KLHL4: variants seen among roughly 807,000 people sequenced by gnomAD.
KLHL4 encodes the protein kelch like family member 4.
KLHL4 carries 17 observed loss-of-function variants against 45.8 expected under a neutral mutation model. The ratio of observed to expected loss-of-function variants is 0.37; its 90% CI spans 0.25 to 0.56. The LOEUF (loss-of-function observed/expected upper bound fraction) is 0.56. Ranked by LOEUF, KLHL4 falls within the 20% of genes least tolerant of loss-of-function variation. The pLI is 0.79. For synonymous variants in KLHL4, 224 were observed against 189.9 expected (o/e 1.18, Z -1.47); for missense variants, 544 against 544.9 (o/e 1.00, Z 0.02).
intron 4 of KLHL4, among the ~76,000 whole-genome samples, chrX:87,620,662 T>C (rs896041407): frequency 8.9e-6 from 1 of 112,325 alleles, no homozygotes; most frequent in African/African-American, 3.2e-5. Flanking sequence ...TTCACAAAAA[T>C]CATATCACTT....
chrX:87,581,097 G>C (rs771545260), intron 1 of KLHL4, among the ~76,000 whole-genome samples: 14 of 112,430 alleles, frequency 1.2e-4, no homozygotes, highest in African/African-American at 4.5e-4. Context: ...ATTTTGTCAA[G>C]GCATGGCCAG....
intron 1 of KLHL4, among the ~76,000 whole-genome samples, chrX:87,570,682 G>T (rs1459759165): frequency 9.0e-6 from 1 of 110,750 alleles, no homozygotes; most frequent in Non-Finnish European, 1.9e-5. Flanking sequence ...GTAGAAGATA[G>T]TATTTATTTT....
chrX:87,594,236 T>C (rs772047428), intron 1 of KLHL4, among the ~76,000 whole-genome samples: 3 of 112,115 alleles, frequency 2.7e-5, no homozygotes, highest in South Asian at 7.4e-4. Flanking sequence ...TATAAATGTA[T>C]GCATGCTGTT....
intron 1 of KLHL4, among the ~76,000 whole-genome samples, chrX:87,558,221 G>C (rs1006240396): frequency 9.0e-6 from 1 of 111,238 alleles, no homozygotes; most frequent in Admixed American, 9.6e-5. Flanking sequence ...TCAAATGCCA[G>C]TTCTGCCATT....
At chrX:87,609,445 C>T (rs1922301436) in intron 1 of KLHL4, among the ~76,000 whole-genome samples, 1 of 111,471 alleles carries the variant, frequency 9.0e-6, no homozygotes, top group African/African-American at 3.3e-5. Flanking sequence ...TTTTAATGAT[C>T]ACCATTCTAA....
chrX:87,559,738 CT>C (rs1437077335), intron 1 of KLHL4, among the ~76,000 whole-genome samples: 2 of 111,157 alleles, frequency 1.8e-5, no homozygotes, highest in East Asian at 5.7e-4. Flanking sequence ...TATAAAACAA[CT>C]GCTTTTAAGT....
intron 9 of KLHL4, among the ~76,000 whole-genome samples, chrX:87,648,536 G>C (rs1275685643): frequency 9.0e-6 from 1 of 111,074 alleles, no homozygotes; most frequent in Non-Finnish European, 1.9e-5. Flanking sequence ...TTTAGGCAGA[G>C]GGAAAATTAA....
At position 87,518,213 on chromosome X, in the gene KLHL4, C is replaced by G; in HGVS notation, c.320C>G (p.Pro107Arg). Reference sequence around the variant, plus strand: ...CATTTTCAAGCAAATGAAGATACTCCTAAATCAGTTCCAGAGAAGAATTTA... The same window carrying G: ...CATTTTCAAGCAAATGAAGATACTCGTAAATCAGTTCCAGAGAAGAATTTA... ...IVHFQANEDT[P>R]KSVPEKNLFK... The change falls in exon 1 of 11, where the codon CCT becomes CGT. Residue 107 changes from proline (P) to arginine (R), a missense_variant. By Grantham distance (103) the Pro-to-Arg change is moderately radical. Transcript: ENST00000373119. 1 of 1,211,089 alleles carries G rather than the reference C, an allele frequency of 8.3e-7. No individual in the cohort carries two copies. The highest frequency in any genetic ancestry group is 1.1e-6 in the Non-Finnish European group (1 of 894,850).
intron 1 of KLHL4, among the ~76,000 whole-genome samples, chrX:87,601,009 C>T (rs1236030402): frequency 9.0e-6 from 1 of 111,548 alleles, no homozygotes; most frequent in Non-Finnish European, 1.9e-5. Flanking sequence ...CATCTTGTGG[C>T]TCCATAATAC....
intron 1 of KLHL4, among the ~76,000 whole-genome samples, chrX:87,544,437 C>A (rs1190932006): frequency 9.0e-6 from 1 of 111,630 alleles, no homozygotes; most frequent in Admixed American, 9.5e-5. Flanking sequence ...GGCTGTCTTT[C>A]AAGTCAAGTC....
chrX:87,533,213 C>T (rs188575877), intron 1 of KLHL4, among the ~76,000 whole-genome samples: 151 of 109,113 alleles, frequency 1.4e-3, no homozygotes, highest in African/African-American at 4.7e-3. Flanking sequence ...GGTATATACC[C>T]GAAGGACTAT....
chrX:87,535,060 C>T (rs1569336029), intron 1 of KLHL4, among the ~76,000 whole-genome samples: 1 of 111,844 alleles, frequency 8.9e-6, no homozygotes, highest in Non-Finnish European at 1.9e-5. Flanking sequence ...ATGATTAGAA[C>T]AAGTACATAT....
intron 1 of KLHL4, among the ~76,000 whole-genome samples, chrX:87,539,566 T>G (rs1335418851): frequency 9.0e-6 from 1 of 110,759 alleles, no homozygotes; most frequent in African/African-American, 3.3e-5. Flanking sequence ...TCTCTAGGAT[T>G]ATTATATATA....
rs1393878079 is a variant in KLHL4, at chrX:87,633,909, C to T, written c.1710C>T (p.Asn570=). 3.3e-6 allele frequency: 4 copies of T among 1,199,441 alleles called. No homozygotes were observed. The Admixed American group carries it at 8.9e-5, about 27-fold the overall frequency. The change falls in exon 8 of 11, where the codon AAC becomes AAT. Residue 570 remains asparagine (N), a splice_region_variant and synonymous_variant. Transcript: ENST00000373119. ...CAGTTGGTGTTGTTGCATTAAACAACAAGTGAGTAAGTTGAAACACACATG... is the reference window on the plus strand; with the variant it reads ...CAGTTGGTGTTGTTGCATTAAACAATAAGTGAGTAAGTTGAAACACACATG... ...RSTVGVVALN[N]KLYAIGGRDG...
At chrX:87,528,924 CAGAG>C (rs753112632) in intron 1 of KLHL4, among the ~76,000 whole-genome samples, 21 of 109,670 alleles carry the variant, frequency 1.9e-4, no homozygotes, top group Non-Finnish European at 3.0e-4. Context: ...AAATCAAAGA[CAGAG>C]AGAGAATTCT....
At chrX:87,565,489 A>C (rs2147787045) in intron 1 of KLHL4, among the ~76,000 whole-genome samples, 1 of 110,619 alleles carries the variant, frequency 9.0e-6, no homozygotes, top group East Asian at 2.9e-4. Flanking sequence ...GCACTTTGGG[A>C]GGCTGAGGCA....
At chrX:87,524,686 C>T (rs1024021722) in intron 1 of KLHL4, among the ~76,000 whole-genome samples, 1 of 111,299 alleles carries the variant, frequency 9.0e-6, no homozygotes, top group Non-Finnish European at 1.9e-5. Context: ...AGAAAAGGGA[C>T]CTTTAGTGGA....
At position 87,669,269 on chromosome X, in the gene KLHL4, T is replaced by C. The variant is rs143646204; in HGVS notation, c.*2735T>C. 159 of 1,193,985 alleles carry C rather than the reference T, an allele frequency of 1.3e-4. No individual in the cohort carries two copies. The highest frequency in any genetic ancestry group is 5.6e-6 in the Non-Finnish European group (5 of 887,167). On this transcript the variant is annotated 3_prime_UTR_variant, in exon 11 of 11. Transcript: ENST00000373119. Reference sequence around the variant, plus strand: ...TGTTCACGATTCCCTACTCTGCAACTCTCAGCATGCATCATGATGATTCTC... The same window carrying C: ...TGTTCACGATTCCCTACTCTGCAACCCTCAGCATGCATCATGATGATTCTC...
chrX:87,649,246 A>G (rs1308433748), intron 9 of KLHL4, among the ~76,000 whole-genome samples: 2 of 111,514 alleles, frequency 1.8e-5, no homozygotes, highest in African/African-American at 6.5e-5. Context: ...TATGAATTTG[A>G]CTATTCTAGT....
Sources: allele counts gnomAD v4.1 joint callset (sites outside exome capture counted in the v4.1 genomes callset), GRCh38; gene constraint gnomAD v4.1.1; transcripts MANE v1.5; gene names NCBI Gene and HGNC (gene_info 2026-07-23, HGNC 2026-07-21).